The following CRACDL variants were observed in gnomAD, a reference collection of about 807,000 sequenced individuals.
CRACDL encodes the protein CRACD-like protein.
In CRACDL, 26 loss-of-function variants were observed where a neutral mutation model predicts 70.6. The observed-to-expected ratio is 0.37, with a 90% CI of 0.27 to 0.51. The LOEUF is 0.51. Ranked by LOEUF, CRACDL falls within the 20% of genes least tolerant of loss-of-function variation. CRACDL has a pLI of 0.94. For missense variants in CRACDL, 1,283 were observed against 1,376.9 expected (o/e 0.93, Z 1.08); for synonymous variants, 618 against 615.2 (o/e 1.00, Z -0.07).
At chr2:98,888,282 C>T (rs555094583) in intron 1 of CRACDL, among the ~76,000 whole-genome samples, 1 of 152,066 alleles carries the variant, frequency 6.6e-6, no homozygotes, top group African/African-American at 2.4e-5. Context: ...TAATTTTTTC[C>T]TTCTAATTTA....
At chr2:98,889,125 A>G (rs1707878086) in intron 1 of CRACDL, among the ~76,000 whole-genome samples, 1 of 145,524 alleles carries the variant, frequency 6.9e-6, no homozygotes, top group Non-Finnish European at 1.5e-5. Context: ...AGACTCTGTC[A>G]AAAAAAAAAG....
intron 6 of CRACDL, among the ~76,000 whole-genome samples, chr2:98,826,439 G>T (rs1202677055): frequency 1.3e-5 from 2 of 152,334 alleles, no homozygotes; most frequent in East Asian, 3.9e-4. Flanking sequence ...CTGGCAATAA[G>T]AGCACATCCA....
At chr2:98,849,079 A>T (rs923241365) in intron 1 of CRACDL, among the ~76,000 whole-genome samples, 4 of 152,220 alleles carry the variant, frequency 2.6e-5, no homozygotes, top group African/African-American at 9.6e-5. Context: ...CAGAGCCCTG[A>T]GCTGTCCCCA....
chr2:98,798,562 T>C (rs1296027203), intron 7 of CRACDL, among the ~76,000 whole-genome samples: 1 of 151,748 alleles, frequency 6.6e-6, no homozygotes, highest in African/African-American at 2.4e-5. Flanking sequence ...GGTGGTGAAA[T>C]TGTGGGTCAT....
At chr2:98,812,607 T>C (rs757326630) in intron 7 of CRACDL, among the ~76,000 whole-genome samples, 7 of 152,214 alleles carry the variant, frequency 4.6e-5, no homozygotes, top group Non-Finnish European at 8.8e-5. Flanking sequence ...TGGCTAATGA[T>C]GGTAAGCATA....
chr2:98,920,807 G>A (rs1708785236), intron 1 of CRACDL, among the ~76,000 whole-genome samples: 1 of 152,140 alleles, frequency 6.6e-6, no homozygotes, highest in South Asian at 2.1e-4. Flanking sequence ...TGTGTCCCCT[G>A]TCAAGTGTGA....
At chr2:98,893,459 AT>A (rs1328257325) in intron 1 of CRACDL, among the ~76,000 whole-genome samples, 1 of 151,772 alleles carries the variant, frequency 6.6e-6, no homozygotes, top group African/African-American at 2.4e-5. Context: ...AATTTTTTGT[AT>A]TTTTTAGTAG....
At chr2:98,894,490 C>T (rs576005233) in intron 1 of CRACDL, among the ~76,000 whole-genome samples, 3 of 152,194 alleles carry the variant, frequency 2.0e-5, no homozygotes, top group East Asian at 1.9e-4. Context: ...CCTAAAGTCA[C>T]GCACAGAGGG....
At chr2:98,921,427 C>T (rs1012606064) in intron 1 of CRACDL, among the ~76,000 whole-genome samples, 10 of 152,270 alleles carry the variant, frequency 6.6e-5, no homozygotes, top group African/African-American at 2.4e-4. Context: ...TGCCCAGAGG[C>T]AGGCCTTGGG....
At chr2:98,883,690 G>A (rs774618894) in intron 1 of CRACDL, among the ~76,000 whole-genome samples, 13 of 152,154 alleles carry the variant, frequency 8.5e-5, no homozygotes, top group East Asian at 1.9e-4. Context: ...GAATAAACCC[G>A]AGCCCGGGTA....
chr2:98,879,617 C>T (rs959383467), intron 1 of CRACDL, among the ~76,000 whole-genome samples: 2 of 152,178 alleles, frequency 1.3e-5, no homozygotes, highest in East Asian at 3.8e-4. Flanking sequence ...GGCGCAATCT[C>T]GGCTCACTGC....
chr2:98,855,285 C>CAA (rs1209549636), intron 1 of CRACDL, among the ~76,000 whole-genome samples: 4 of 96,692 alleles, frequency 4.1e-5, no homozygotes, highest in Admixed American at 1.1e-4. Context: ...GACTCCATCT[C>CAA]AAAAAAAAAA....
chr2:98,882,646 G>GT (rs905618183), intron 1 of CRACDL, among the ~76,000 whole-genome samples: 13 of 152,194 alleles, frequency 8.5e-5, no homozygotes, highest in African/African-American at 3.1e-4. Flanking sequence ...TGTCTCTCTG[G>GT]TTTTTTTAAA....
At chr2:98,889,277 AAAAG>A (rs1432049166) in intron 1 of CRACDL, among the ~76,000 whole-genome samples, 8 of 142,710 alleles carry the variant, frequency 5.6e-5, no homozygotes. Context: ...AAGAAACAGA[AAAAG>A]AGAGAGAAAG....
At chr2:98,817,857 G>A (rs936252516) in intron 7 of CRACDL, among the ~76,000 whole-genome samples, 1 of 152,160 alleles carries the variant, frequency 6.6e-6, no homozygotes, top group Non-Finnish European at 1.5e-5. Context: ...CAGGTGAGAA[G>A]GGTGGTTTCT....
At chr2:98,852,609 A>C (rs147769081) in intron 1 of CRACDL, among the ~76,000 whole-genome samples, 44 of 152,312 alleles carry the variant, frequency 2.9e-4, no homozygotes, top group African/African-American at 1.0e-3. Context: ...AAGATAAAGA[A>C]TTTCAAATTA....
intron 7 of CRACDL, among the ~76,000 whole-genome samples, chr2:98,808,800 A>G (rs1704429889): frequency 6.6e-6 from 1 of 152,216 alleles, no homozygotes; most frequent in Non-Finnish European, 1.5e-5. Context: ...AGAGGGTCTC[A>G]GCGCCCCCCA....
chr2:98,896,193 G>A (rs1708119503), intron 1 of CRACDL, among the ~76,000 whole-genome samples: 1 of 152,114 alleles, frequency 6.6e-6, no homozygotes, highest in Admixed American at 6.5e-5. Flanking sequence ...GCAAGGCCAG[G>A]AAGTGAGGAG....
At chr2:98,863,256 T>G (rs1050794867) in intron 1 of CRACDL, among the ~76,000 whole-genome samples, 1 of 152,000 alleles carries the variant, frequency 6.6e-6, no homozygotes, top group Non-Finnish European at 1.5e-5. Context: ...ATGTTCAAAG[T>G]GTGAAAAGAA....
Sources: allele counts gnomAD v4.1 joint callset (sites outside exome capture counted in the v4.1 genomes callset), GRCh38; gene constraint gnomAD v4.1.1; transcripts MANE v1.5; gene names NCBI Gene and HGNC (gene_info 2026-07-23, HGNC 2026-07-21).